Variants in DCC observed in about 807,000 individuals in gnomAD.
The protein encoded by DCC is DCC netrin 1 receptor, also known as netrin receptor DCC.
In DCC, 58 loss-of-function variants were observed where a neutral mutation model predicts 172.5. The observed-to-expected ratio is 0.34, with a 90% CI of 0.27 to 0.42. The LOEUF is 0.42. DCC is among the 10% of genes least tolerant of loss of function. The pLI, the probability that DCC is intolerant of heterozygous loss-of-function variation, is 1.00. For missense variants in DCC, 1,740 were observed against 1,791.0 expected (o/e 0.97, Z 0.51); for synonymous variants, 709 against 644.5 (o/e 1.10, Z -1.52).
chr18:52,480,791 C>A (rs1177083666), intron 1 of DCC, among the ~76,000 whole-genome samples: 1 of 151,978 alleles, frequency 6.6e-6, no homozygotes, highest in African/African-American at 2.4e-5. Context: ...GGATTTCTTC[C>A]CTGTCATCCA....
chr18:52,956,678 C>G (rs891603146), intron 5 of DCC, among the ~76,000 whole-genome samples: 5 of 152,024 alleles, frequency 3.3e-5, no homozygotes, highest in Admixed American at 1.3e-4. Flanking sequence ...CTCTATAGAT[C>G]AAGTTGGGGA....
At chr18:52,354,539 G>A (rs17754086) in intron 1 of DCC, among the ~76,000 whole-genome samples, 27,806 of 152,024 alleles carry the variant, frequency 0.18, 2,606 homozygotes, top group South Asian at 0.25. Flanking sequence ...GTCAGAGAAC[G>A]CATTTTTGAA....
chr18:52,391,425 A>T (rs1402809236), intron 1 of DCC, among the ~76,000 whole-genome samples: 3 of 152,120 alleles, frequency 2.0e-5, no homozygotes, highest in African/African-American at 7.2e-5. Context: ...CCTCTAACTG[A>T]AATATATAGT....
intron 7 of DCC, among the ~76,000 whole-genome samples, chr18:53,148,865 CT>C (rs5824990): frequency 0.016 from 1,731 of 109,744 alleles, 49 homozygotes; most frequent in Non-Finnish European, 0.018. Flanking sequence ...TTCCCAATGC[CT>C]TTTTTTTTTT....
At position 52,479,242 on chromosome 18, in the gene DCC, A is replaced by G. The variant is rs539514128; in HGVS notation, c.91+138364A>G. ...AAGCACATATAGATTTTCTCTTCTT[A>G]AGAGGATGGATTTAATCTATCTTTT... On this transcript the variant is annotated intron_variant, in intron 1 of 28. Transcript: ENST00000442544. 6.6e-5 allele frequency among the ~76,000 whole-genome samples: 10 copies of G among 152,276 alleles called. No individual in the cohort carries two copies. In the South Asian group the frequency reaches 1.7e-3, roughly 25 times the overall value.
In DCC at chr18:53,282,859, T is replaced by C. The variant is rs149292370; in HGVS notation, c.1912-22719T>C. 5.3e-5 allele frequency among the ~76,000 whole-genome samples: 8 copies of C among 152,256 alleles called. No individual in the cohort carries two copies. The East Asian group carries it at 1.4e-3, about 26-fold the overall frequency. On this transcript the variant is annotated intron_variant, in intron 12 of 28. Coordinates refer to ENST00000442544, the MANE Select transcript of DCC (RefSeq NM_005215.4). ...ATGAATGCCATTGGGTACCAAATTTTAAAGGCCTGCACTAAATGGCCCTAG... is the reference window on the plus strand; with the variant it reads ...ATGAATGCCATTGGGTACCAAATTTCAAAGGCCTGCACTAAATGGCCCTAG...
Position 53,319,597 on chromosome 18 carries a change from A to C in DCC, c.2054-2450A>C, listed in dbSNP as rs997621103. On this transcript the variant is annotated intron_variant, in intron 13 of 28. Coordinates refer to ENST00000442544, the MANE Select transcript of DCC (RefSeq NM_005215.4). The stretch of plus-strand genomic sequence containing the variant: ...TCAGTCAGATTTTCACCAGAGAAAG[A>C]AAGCCAGCAGGAAATACATACTAAG... 2.0e-5 allele frequency among the ~76,000 whole-genome samples: 3 copies of C among 152,254 alleles called. No homozygotes were observed. The East Asian group carries it at 5.8e-4, about 29-fold the overall frequency.
At chr18:52,611,230 G>A (rs1037246717) in intron 1 of DCC, among the ~76,000 whole-genome samples, 86 of 151,880 alleles carry the variant, frequency 5.7e-4, no homozygotes, top group East Asian at 1.9e-4. Flanking sequence ...CCTATACCCC[G>A]CACCTGGAAG....
intron 1 of DCC, among the ~76,000 whole-genome samples, chr18:52,630,436 T>C (rs2034653854): frequency 6.6e-6 from 1 of 152,224 alleles, no homozygotes; most frequent in Non-Finnish European, 1.5e-5. Context: ...TTACTGAGTG[T>C]CTGTTTCCTT....
intron 1 of DCC, among the ~76,000 whole-genome samples, chr18:52,506,731 G>C (rs755995145): frequency 6.6e-6 from 1 of 152,030 alleles, no homozygotes; most frequent in South Asian, 2.1e-4. Context: ...CAGCATTGCT[G>C]TTAATGAAAC....
intron 1 of DCC, among the ~76,000 whole-genome samples, chr18:52,439,007 A>G (rs1311851306): frequency 6.6e-6 from 1 of 152,192 alleles, no homozygotes; most frequent in Non-Finnish European, 1.5e-5. Context: ...AAAGGGAATA[A>G]TGAATTTTCT....
intron 15 of DCC, among the ~76,000 whole-genome samples, chr18:53,381,345 G>C (rs1190860168): frequency 6.6e-6 from 1 of 151,972 alleles, no homozygotes; most frequent in African/African-American, 2.4e-5. Context: ...CATCTGGGTG[G>C]TGGGAACAGA....
At chr18:52,763,811 GA>G (rs2037200150) in intron 2 of DCC, among the ~76,000 whole-genome samples, 1 of 152,112 alleles carries the variant, frequency 6.6e-6, no homozygotes, top group South Asian at 2.1e-4. Context: ...TAACATAAAT[GA>G]GATTATCTGA....
chr18:53,485,911 A>G lies in DCC; in HGVS notation c.3737-886A>G, dbSNP rs2045894685. 2.0e-5 allele frequency among the ~76,000 whole-genome samples: 3 copies of G among 152,072 alleles called. 1 individual carries two copies. In the South Asian group the frequency reaches 6.2e-4, roughly 31 times the overall value. On this transcript the variant is annotated intron_variant, in intron 25 of 28. Coordinates refer to ENST00000442544, the MANE Select transcript of DCC (RefSeq NM_005215.4). ...ATGTTGAACTCCAGTTATTGGCATT[A>G]CCATCTAAATAAATAAAAATAAATT...
intron 1 of DCC, among the ~76,000 whole-genome samples, chr18:52,624,543 T>A (rs1042371012): frequency 6.6e-6 from 1 of 152,192 alleles, no homozygotes; most frequent in African/African-American, 2.4e-5. Flanking sequence ...TTTTCAAGAA[T>A]CACAAGCTAG....
At chr18:52,726,793 T>C (rs1182954590) in intron 1 of DCC, among the ~76,000 whole-genome samples, 4 of 152,308 alleles carry the variant, frequency 2.6e-5, no homozygotes, top group Admixed American at 2.0e-4. Flanking sequence ...ATCTGTAAAA[T>C]GGAGCTAGCC....
intron 2 of DCC, among the ~76,000 whole-genome samples, chr18:52,791,650 C>A (rs539759032): frequency 6.6e-6 from 1 of 151,966 alleles, no homozygotes; most frequent in East Asian, 2.0e-4. Context: ...ACTTGTGTAA[C>A]CTGCCTGACT....
chr18:52,718,920 C>T (rs985119044), intron 1 of DCC, among the ~76,000 whole-genome samples: 30 of 152,190 alleles, frequency 2.0e-4, no homozygotes, highest in African/African-American at 7.2e-4. Flanking sequence ...TGGCTTAAAA[C>T]AAGAGAAATG....
chr18:52,805,503 G>A (rs981291902), intron 2 of DCC, among the ~76,000 whole-genome samples: 1 of 152,206 alleles, frequency 6.6e-6, no homozygotes, highest in East Asian at 1.9e-4. Flanking sequence ...GGAGAGAGAA[G>A]AGCCAGAGAG....
Sources: gnomAD v4.1 joint callset for allele counts (sites outside exome capture counted in the v4.1 genomes callset) on GRCh38, gnomAD v4.1.1 for gene constraint, MANE v1.5 for transcripts, NCBI Gene and HGNC (gene_info 2026-07-23, HGNC 2026-07-21) for gene names.